Variants in DLGAP2 observed in about 807,000 individuals in gnomAD.
DLGAP2 encodes the protein disks large-associated protein 2.
Under a neutral mutation model 100.3 loss-of-function variants are expected in DLGAP2, and 26 were observed. The observed-to-expected ratio is 0.26, with a 90% CI of 0.19 to 0.36. The LOEUF (loss-of-function observed/expected upper bound fraction) is 0.36. Ranked by LOEUF, DLGAP2 falls within the 10% of genes least tolerant of loss-of-function variation. The pLI is 1.00. For synonymous variants in DLGAP2, 886 were observed against 630.1 expected (o/e 1.41, Z -6.08); for missense variants, 1,858 against 1,453.2 (o/e 1.28, Z -4.53).
At chr8:1,328,067 T>C (rs1238143172) in intron 3 of DLGAP2, among the ~76,000 whole-genome samples, 1 of 151,488 alleles carries the variant, frequency 6.6e-6, no homozygotes, top group Admixed American at 6.6e-5. Context: ...GGAGACAGAG[T>C]CTCACTCTGT....
chr8:1,669,802 C>T lies in DLGAP2; in HGVS notation c.2202+18C>T, dbSNP rs753090267. Reference sequence around the variant, plus strand: ...GGTCAGATGTAAGTACCGAAATGTGCTCCAAAGCCGCGTCCGCATGACTTT... The same window carrying T: ...GGTCAGATGTAAGTACCGAAATGTGTTCCAAAGCCGCGTCCGCATGACTTT... On this transcript the variant is annotated intron_variant, in intron 10 of 14. Transcript: ENST00000637795. 7 of 780,806 alleles carry T rather than the reference C, an allele frequency of 9.0e-6. No homozygotes were observed. Among genetic ancestry groups the T allele is most frequent in the African/African-American group, 3.4e-5 (2 of 59,160 alleles). The allele number at this position is 780,806 out of a possible 1,614,324, so 48.4% of individuals were successfully genotyped here. A position where few individuals can be genotyped will look rare whatever the true frequency, so the allele number is the denominator to read the frequency against.
intron 3 of DLGAP2, among the ~76,000 whole-genome samples, chr8:1,324,162 G>A (rs901587981): frequency 6.6e-6 from 1 of 152,170 alleles, no homozygotes; most frequent in Non-Finnish European, 1.5e-5. Context: ...TTTGAATATG[G>A]ACTGTTTGCT....
At chr8:1,673,897 TTGTTA>T (rs1317720628) in intron 10 of DLGAP2, among the ~76,000 whole-genome samples, 4 of 152,168 alleles carry the variant, frequency 2.6e-5, no homozygotes, top group African/African-American at 9.7e-5. Flanking sequence ...CCTTTTACTT[TTGTTA>T]TATTTTTCTT....
At chr8:1,507,666 A>T (rs1439109503) in intron 4 of DLGAP2, among the ~76,000 whole-genome samples, 1 of 151,816 alleles carries the variant, frequency 6.6e-6, no homozygotes, top group Non-Finnish European at 1.5e-5. Flanking sequence ...GTCACCTCTC[A>T]GAAGCAGTGA....
At chr8:1,492,757 A>T (rs1406240551) in intron 3 of DLGAP2, among the ~76,000 whole-genome samples, 1 of 152,136 alleles carries the variant, frequency 6.6e-6, no homozygotes, top group African/African-American at 2.4e-5. Context: ...ATGGCGACGC[A>T]GCCGATTTTG....
intron 6 of DLGAP2, among the ~76,000 whole-genome samples, chr8:1,581,543 ACAGT>A (rs1803261078): frequency 6.6e-6 from 1 of 150,424 alleles, no homozygotes; most frequent in African/African-American, 2.5e-5. Flanking sequence ...TCTACACACC[ACAGT>A]CAAACTACCA....
Position 912,331 on chromosome 8 carries a change from C to T in DLGAP2, c.73+4365C>T, listed in dbSNP as rs573736239. On this transcript the variant is annotated intron_variant, in intron 2 of 14. Coordinates refer to ENST00000637795, the MANE Select transcript of DLGAP2 (RefSeq NM_001346810.2). ...ATAAAAGTTGGGTGGAAAGGTTTCA[C>T]GTGACTTCCCTGTGTTTGTGGAACT... 4.6e-5 allele frequency among the ~76,000 whole-genome samples: 7 copies of T among 152,268 alleles called. No homozygotes were observed. The South Asian group carries it at 6.2e-4, about 14-fold the overall frequency.
intron 2 of DLGAP2, among the ~76,000 whole-genome samples, chr8:926,095 G>T (rs534917544): frequency 4.6e-5 from 7 of 152,130 alleles, no homozygotes; most frequent in Non-Finnish European, 1.0e-4. Context: ...TCTGGGCCTC[G>T]CTGACTTGGG....
In DLGAP2 at chr8:1,644,106, C is replaced by T. The variant is rs1414589354; in HGVS notation, c.1810+11060C>T. On this transcript the variant is annotated intron_variant, in intron 8 of 14. Coordinates refer to ENST00000637795, the MANE Select transcript of DLGAP2 (RefSeq NM_001346810.2). ...CGCCGGTCCTCACCTGTGTCACCCT[C>T]GACCCCGCCGGCCCTCACCTGTGTC... Among the ~76,000 whole-genome samples, 3 of 132,318 alleles carry T rather than the reference C, an allele frequency of 2.3e-5. 1 individual carries two copies. The South Asian group carries it at 7.4e-4, about 33-fold the overall frequency. 86.8% of individuals were successfully genotyped at this position (132,318 alleles called of 152,430 possible). A position where few individuals can be genotyped will look rare whatever the true frequency, so the allele number is the denominator to read the frequency against.
intron 2 of DLGAP2, among the ~76,000 whole-genome samples, chr8:990,289 G>C (rs1362708652): frequency 2.6e-5 from 4 of 151,176 alleles, no homozygotes; most frequent in African/African-American, 9.8e-5. Context: ...ACCTTCTGAA[G>C]TTTTCTATGA....
chr8:1,437,287 A>G (rs1240216653), intron 3 of DLGAP2, among the ~76,000 whole-genome samples: 1 of 151,896 alleles, frequency 6.6e-6, no homozygotes, highest in South Asian at 2.1e-4. Context: ...CAGCCCAGGC[A>G]TGCAGGCGCG....
chr8:1,575,026 C>T (rs1477483919), intron 6 of DLGAP2, among the ~76,000 whole-genome samples: 2 of 152,174 alleles, frequency 1.3e-5, no homozygotes, highest in East Asian at 3.8e-4. Context: ...CAGAGAGAGG[C>T]AAGCGAGGGA....
At chr8:1,006,940 G>A (rs541177816) in intron 2 of DLGAP2, among the ~76,000 whole-genome samples, 2 of 151,134 alleles carry the variant, frequency 1.3e-5, no homozygotes, top group African/African-American at 4.9e-5. Context: ...CTCGGGATGT[G>A]GTCCTTTATC....
intron 2 of DLGAP2, among the ~76,000 whole-genome samples, chr8:1,257,820 C>T (rs926217000): frequency 6.6e-6 from 1 of 152,232 alleles, no homozygotes; most frequent in African/African-American, 2.4e-5. Context: ...ATCTGACGCA[C>T]ATGCTCATTC....
In DLGAP2 at chr8:1,239,848, A is replaced by G. The variant is rs879162500; in HGVS notation, c.74-19003A>G. Among the ~76,000 whole-genome samples, 4 of 48,580 alleles carry G rather than the reference A, an allele frequency of 8.2e-5. 1 individual carries two copies. The highest frequency in any genetic ancestry group is 4.4e-4 in the Admixed American group (2 of 4,592). 31.9% of individuals were successfully genotyped at this position (48,580 alleles called of 152,430 possible). A position where few individuals can be genotyped will look rare whatever the true frequency, so the allele number is the denominator to read the frequency against. ...CTAGTTCTCTCTCGCACATAGCGTCATGTCTAGTTCTCTCTCACATGGCAC... is the reference window on the plus strand; with the variant it reads ...CTAGTTCTCTCTCGCACATAGCGTCGTGTCTAGTTCTCTCTCACATGGCAC... On this transcript the variant is annotated intron_variant, in intron 2 of 14. Transcript: ENST00000637795.
chr8:1,449,555 C>T (rs953040027), intron 3 of DLGAP2, among the ~76,000 whole-genome samples: 17 of 152,212 alleles, frequency 1.1e-4, no homozygotes, highest in African/African-American at 3.4e-4. Context: ...GCCACTGAGT[C>T]CTGTCTGCAC....
chr8:738,912 G>C (rs1314902404), intron 1 of DLGAP2: 1 of 152,644 alleles, frequency 6.6e-6, no homozygotes. Context: ...TGCGCGGCGG[G>C]TCTGCGATGC....
intron 6 of DLGAP2, among the ~76,000 whole-genome samples, chr8:1,596,966 T>C (rs1796477879): frequency 6.6e-6 from 1 of 152,234 alleles, no homozygotes; most frequent in East Asian, 1.9e-4. Context: ...TGGTATTGCC[T>C]AGGTTTTCTT....
intron 3 of DLGAP2, among the ~76,000 whole-genome samples, chr8:1,469,675 C>G (rs561753149): frequency 6.6e-6 from 1 of 152,308 alleles, no homozygotes; most frequent in African/African-American, 2.4e-5. Flanking sequence ...GTCAGAAGCA[C>G]CTGCTCTGCA....
Sources: allele counts gnomAD v4.1 joint callset (sites outside exome capture counted in the v4.1 genomes callset), GRCh38; gene constraint gnomAD v4.1.1; transcripts MANE v1.5; gene names NCBI Gene and HGNC (gene_info 2026-07-23, HGNC 2026-07-21).